Variants in GUSB observed in about 807,000 individuals in gnomAD.
GUSB encodes glucuronidase beta, also known as beta-glucuronidase.
GUSB carries 51 observed loss-of-function variants against 74.6 expected under a neutral mutation model. That is an observed-to-expected ratio of 0.68 (90% CI 0.55 to 0.86). GUSB has a LOEUF of 0.86. Ranked by LOEUF, GUSB falls within the 40% of genes least tolerant of loss-of-function variation. The pLI, the probability that GUSB is intolerant of heterozygous loss-of-function variation, is 0.00. For missense variants in GUSB, 736 were observed against 853.7 expected, an observed-to-expected ratio of 0.86 and a Z score of 1.72; for synonymous variants, 360 against 348.3, an observed-to-expected ratio of 1.03 and a Z score of -0.37.
chr7:65,966,006 A>C lies in GUSB; in HGVS notation c.1654-1548T>G, dbSNP rs1790810014. Among the ~76,000 whole-genome samples the C allele has an allele frequency of 2.0e-5, 3 of 152,188 alleles. No homozygotes were observed. In the South Asian group the frequency reaches 6.2e-4, roughly 32 times the overall value. ...ACCAACATGGTGAAACCTCATCTCT[A>C]CTAAAAATACAAAATGAGGTGGGCG... On this transcript the variant is annotated intron_variant, in intron 10 of 11. Coordinates refer to ENST00000304895, the MANE Select transcript of GUSB (RefSeq NM_000181.4).
At chr7:65,964,069 C>A (rs975067403) in intron 11 of GUSB, 1 of 503,318 alleles carries the variant, frequency 2.0e-6, no homozygotes, top group Non-Finnish European at 3.6e-6. Context: ...GGCAAGCCAG[C>A]CATTTCCGAT....
rs747928978 is a variant in GUSB at position 65,960,884 on chromosome 7, G to T, written c.*13C>A. On this transcript the variant is annotated 3_prime_UTR_variant, in exon 12 of 12. Transcript: ENST00000304895. ...TCGGGGAGGAAGGGACACGCAGGTG[G>T]TATCAGTCTTGCTCAAGTAAACAGG... 1 of 1,611,206 alleles carries T rather than the reference G, an allele frequency of 6.2e-7. No homozygotes were observed. The highest frequency in any genetic ancestry group is 1.7e-5 in the Admixed American group (1 of 59,988).
Position 65,960,972 on chromosome 7 carries a change from C to A in GUSB, c.1881G>T (p.Trp627Cys), listed in dbSNP as rs121918184. The A allele has an allele frequency of 5.0e-6, 8 of 1,613,678 alleles. No homozygotes were observed. Among genetic ancestry groups the A allele is most frequent in the Non-Finnish European group, 6.8e-6 (8 of 1,179,870 alleles). The change falls in exon 12 of 12, where the codon TGG becomes TGT. Residue 627 changes from tryptophan to cysteine, a missense_variant. Around this residue, in one of 2 missense-constraint regions of GUSB, gnomAD observed 368 missense variants for 489.9 expected, o/e 0.75. Transcript: ENST00000304895. Reference protein sequence around the residue: ...SAAFLLRERYWKIANETRYPH... With the variant: ...SAAFLLRERYCKIANETRYPH... Reference sequence around the variant, plus strand: ...GATACCTGGTTTCATTGGCAATCTTCCAGTATCTCTCTCGCAAAAGGAACG... The same window carrying A: ...GATACCTGGTTTCATTGGCAATCTTACAGTATCTCTCTCGCAAAAGGAACG...
chr7:65,970,660 G>A (rs746354090), intron 8 of GUSB, among the ~76,000 whole-genome samples: 4 of 151,938 alleles, frequency 2.6e-5, no homozygotes, highest in Non-Finnish European at 4.4e-5. Flanking sequence ...TTGGGAGGCC[G>A]AGGCGGGCAG....
intron 10 of GUSB, among the ~76,000 whole-genome samples, chr7:65,965,007 G>A (rs1245744124): frequency 1.3e-5 from 2 of 151,960 alleles, no homozygotes; most frequent in Non-Finnish European, 2.9e-5. Flanking sequence ...AGATCAAAGC[G>A]ACAGTGAGCT....
At chr7:65,963,475 G>GAC (rs1222034362) in intron 11 of GUSB, among the ~76,000 whole-genome samples, 1 of 152,120 alleles carries the variant, frequency 6.6e-6, no homozygotes, top group Non-Finnish European at 1.5e-5. Context: ...GAAGAAATGG[G>GAC]ACACATTCAT....
chr7:65,980,025 C>T, intron 2 of GUSB, 114 bp from the exon 3 acceptor site: 1 of 1,008,292 alleles, frequency 9.9e-7, no homozygotes. Flanking sequence ...GCCTTCCAGC[C>T]AGACGGGAAG....
chr7:65,979,296 G>A (rs2116025080), intron 4 of GUSB, 103 bp downstream of exon 4: 3 of 1,121,762 alleles, frequency 2.7e-6, no homozygotes, highest in East Asian at 2.3e-5. Flanking sequence ...CTGTGAGGGT[G>A]TAGAGATGCT....
At chr7:65,971,237 G>A (rs919679388) in intron 8 of GUSB, among the ~76,000 whole-genome samples, 3 of 152,218 alleles carry the variant, frequency 2.0e-5, no homozygotes, top group Non-Finnish European at 4.4e-5. Flanking sequence ...ATGGGGCTAG[G>A]TGCGAGGTGC....
rs764393614 is a variant in GUSB, at chr7:65,979,466, A to C, written c.657T>G (p.Leu219=). The C allele has an allele frequency of 2.5e-6, 4 of 1,613,700 alleles. No individual in the cohort carries two copies. The highest frequency in any genetic ancestry group is 3.4e-6 in the Non-Finnish European group (4 of 1,179,686). Residue 219 remains leucine (L), a synonymous_variant, in exon 4 of 12, where the codon CTT becomes CTG. Coordinates refer to ENST00000304895, the MANE Select transcript of GUSB (RefSeq NM_000181.4). ...TGTAGGTGGTGGGTGTCGTGTACAG[A>C]AGTACAGACCGCTGCAGTCCAGCGT... ...FNYAGLQRSV[L]LYTTPTTYID...
chr7:65,982,063 G>C lies in GUSB; in HGVS notation c.121C>G (p.Leu41Val). 1.2e-6 allele frequency: 2 copies of C among 1,610,002 alleles called. No homozygotes were observed. Among genetic ancestry groups the C allele is most frequent in the Non-Finnish European group, 1.7e-6 (2 of 1,178,952 alleles). ...GCGCGGAAGCTCCAGAGGCCGTCCA[G>C]CTCCTTGCACTCCCGCGACGGGCTC... ...QESPSRECKE[L>V]DGLWSFRADF... is the part of the protein sequence containing the mutation. The change falls in exon 1 of 12, where the codon CTG (leucine) becomes GTG (valine). Residue 41 changes from leucine to valine, a missense_variant. Leu to Val is a conservative substitution (Grantham distance 32, BLOSUM62 1). Transcript: ENST00000304895.
chr7:65,969,102 C>T (rs59697660), intron 9 of GUSB, among the ~76,000 whole-genome samples: 2,845 of 151,208 alleles, frequency 0.019, 60 homozygotes, highest in East Asian at 0.092. Flanking sequence ...AAATGCTGGC[C>T]GGGTGTGGTG....
intron 10 of GUSB, among the ~76,000 whole-genome samples, chr7:65,966,310 G>A (rs1331868896): frequency 3.3e-5 from 5 of 152,150 alleles, no homozygotes; most frequent in Non-Finnish European, 5.9e-5. Context: ...GGTGCAAACA[G>A]AACAGCGCAG....
chr7:65,978,401 A>G (rs145657724), intron 4 of GUSB, among the ~76,000 whole-genome samples: 17,870 of 144,196 alleles, frequency 0.12, 1,192 homozygotes, highest in Middle Eastern at 0.24. Context: ...TGAGCCAAGA[A>G]CACGCCACAG....
In GUSB at chr7:65,979,748, T is replaced by C. The variant is rs751638113; in HGVS notation, c.560A>G (p.Gln187Arg). ...CCACTTGGAGGTGTCAGTCAGGTATTGGATGGTCCCTGGTGGCAGGGTGGT... is the reference window on the plus strand; with the variant it reads ...CCACTTGGAGGTGTCAGTCAGGTATCGGATGGTCCCTGGTGGCAGGGTGGT... ...TPTTLPPGTI[Q>R]YLTDTSKYPK... Residue 187 changes from glutamine to arginine, a missense_variant, in exon 3 of 12, where the codon CAA (glutamine) becomes CGA (arginine). By Grantham distance (43) the Gln-to-Arg change is conservative. Around this residue, in one of 2 missense-constraint regions of GUSB, gnomAD observed 368 missense variants for 363.8 expected, o/e 1.01. Coordinates refer to ENST00000304895, the MANE Select transcript of GUSB (RefSeq NM_000181.4). 6.2e-7 allele frequency: 1 copy of C among 1,613,772 alleles called. No individual in the cohort carries two copies. The highest frequency in any genetic ancestry group is 8.5e-7 in the Non-Finnish European group (1 of 1,180,006).
Position 65,974,661 on chromosome 7 carries a change from A to C in GUSB, c.1109T>G (p.Phe370Cys). ...GFDWPLLVKD[F>C]NLLRWLGANA... The stretch of plus-strand genomic sequence containing the variant: ...GGCACCAAGCCAGCGAAGCAGGTTG[A>C]AGTCCTTCACCAGCAGCGGCCAGTC... Residue 370 changes from phenylalanine (F) to cysteine (C), a missense_variant, in exon 7 of 12, where the codon TTC (phenylalanine) becomes TGC (cysteine). Coordinates refer to ENST00000304895, the MANE Select transcript of GUSB (RefSeq NM_000181.4). The C allele has an allele frequency of 6.2e-7, 1 of 1,613,850 alleles. No individual in the cohort carries two copies.
chr7:65,981,483 C>T (rs1176083253), intron 1 of GUSB, among the ~76,000 whole-genome samples: 2 of 151,788 alleles, frequency 1.3e-5, no homozygotes, highest in Non-Finnish European at 2.9e-5. Context: ...GCGATTCGCC[C>T]GCCTCCACCT....
intron 11 of GUSB, among the ~76,000 whole-genome samples, chr7:65,962,854 G>T (rs985750810): frequency 1.0e-4 from 15 of 148,048 alleles, no homozygotes; most frequent in African/African-American, 3.4e-4. Flanking sequence ...CCTGGGAAAC[G>T]AGCAAAACTC....
rs184838484 is a variant in GUSB, at chr7:65,972,140, G to A, written c.1392-1774C>T. On this transcript the variant is annotated intron_variant, in intron 8 of 11. Transcript: ENST00000304895. ...TCAGAGCTCCTGGCACCTGCCCGAG[G>A]CCTCCACAGTACAGACTGTTTTTGT... Among the ~76,000 whole-genome samples, 355 of 152,190 alleles carry A rather than the reference G, an allele frequency of 2.3e-3. 2 individuals are homozygous for A. The highest frequency in any genetic ancestry group is 8.1e-3 in the African/African-American group (337 of 41,536).
Sources: allele counts gnomAD v4.1 joint callset (sites outside exome capture counted in the v4.1 genomes callset), GRCh38; gene constraint gnomAD v4.1.1; regional missense constraint gnomAD v4.1.1; transcripts MANE v1.5; gene names NCBI Gene and HGNC (gene_info 2026-07-23, HGNC 2026-07-21).